The following SH3GLB2 variants were observed in gnomAD, a reference collection of about 807,000 sequenced individuals.
The protein encoded by SH3GLB2 is endophilin-B2.
A neutral mutation model predicts 48.0 loss-of-function variants in SH3GLB2; 24 were observed. The observed-to-expected ratio is 0.50, with a 90% CI of 0.36 to 0.70. SH3GLB2 has a LOEUF of 0.70. Among genes scored for constraint, SH3GLB2 ranks in the 30% least tolerant of loss-of-function variants. SH3GLB2 has a pLI of 0.00. For synonymous variants in SH3GLB2, 227 were observed against 207.6 expected (o/e 1.09, Z -0.80); for missense variants, 425 against 516.0 (o/e 0.82, Z 1.71).
chr9:129,025,503 T>G (rs1279997956), intron 1 of SH3GLB2, among the ~76,000 whole-genome samples: 2 of 150,088 alleles, frequency 1.3e-5, no homozygotes, highest in African/African-American at 2.5e-5. Context: ...AAGGTGGAGG[T>G]TGCAGTGAGC....
At chr9:129,012,473 GA>G in intron 5 of SH3GLB2, 175 bp from the exon 6 acceptor site, 1 of 411,036 alleles carries the variant, frequency 2.4e-6, no homozygotes, top group Non-Finnish European at 4.2e-6. Flanking sequence ...ACCTGGAGAT[GA>G]GGGGCCTAGG....
intron 9 of SH3GLB2, 193 bp from the exon 10 acceptor site, chr9:129,009,539 C>A: frequency 6.5e-7 from 1 of 1,547,608 alleles, no homozygotes; most frequent in South Asian, 1.2e-5. Context: ...CTGCCATCCT[C>A]CCCACCCAGG....
intron 1 of SH3GLB2, 46 bp downstream of exon 1, chr9:129,028,046 G>T: frequency 6.7e-7 from 1 of 1,485,802 alleles, no homozygotes; most frequent in Non-Finnish European, 8.9e-7. Context: ...CTCCCCGCCC[G>T]CCGCACATCC....
intron 5 of SH3GLB2, chr9:129,013,927 T>C (rs1843268935): frequency 2.3e-6 from 1 of 435,120 alleles, no homozygotes; most frequent in Non-Finnish European, 4.6e-6. Context: ...CCAGGCCCTA[T>C]CCAATCTCAT....
At chr9:129,026,353 G>A (rs929116561) in intron 1 of SH3GLB2, among the ~76,000 whole-genome samples, 9 of 152,122 alleles carry the variant, frequency 5.9e-5, no homozygotes, top group South Asian at 2.1e-4. Flanking sequence ...GGTCTCAGGC[G>A]GAGCCCCTCT....
At chr9:129,012,177 G>C (rs1174967206) in intron 6 of SH3GLB2, 59 bp downstream of exon 6, 2 of 1,087,802 alleles carry the variant, frequency 1.8e-6, no homozygotes, top group Non-Finnish European at 2.4e-6. Context: ...CAGAGGCAGT[G>C]GTGTGGGACG....
At position 129,025,541 on chromosome 9, in the gene SH3GLB2, C is replaced by T. The variant is rs188889396; in HGVS notation, c.63+2551G>A. Among the ~76,000 whole-genome samples the T allele has an allele frequency of 1.8e-3, 260 of 144,170 alleles. 4 individuals carry two copies. The East Asian group carries it at 0.023, about 13-fold the overall frequency. The allele number at this position is 144,170 out of a possible 152,430, so 94.6% of individuals were successfully genotyped here. On this transcript the variant is annotated intron_variant, in intron 1 of 10. Coordinates refer to ENST00000372564, the MANE Select transcript of SH3GLB2 (RefSeq NM_020145.4). ...AGATTGTGCCACTGCACTCCAGCCT[C>T]GGCGACAGGATGAGACTCTGTCTCA...
At chr9:129,024,556 CAA>C (rs1433422858) in intron 1 of SH3GLB2, among the ~76,000 whole-genome samples, 12 of 101,396 alleles carry the variant, frequency 1.2e-4, no homozygotes, top group Admixed American at 1.1e-4. Flanking sequence ...GACTCAGTCT[CAA>C]AAAAAAAAAA....
chr9:129,010,319 A>G (rs2131229591), intron 7 of SH3GLB2, 110 bp from the exon 8 acceptor site: 2 of 911,056 alleles, frequency 2.2e-6, no homozygotes, highest in East Asian at 2.6e-5. Context: ...CTGGGAACAC[A>G]GAGAGCCTTC....
In SH3GLB2 at chr9:129,021,113, C is replaced by T; in HGVS notation, c.312G>A (p.Glu104=). Residue 104 remains glutamate (E), a synonymous_variant, in exon 3 of 11, where the codon GAG becomes GAA. Transcript: ENST00000372564. ...CACCATAGGGGGTGGTCGGCCCCAG[C>T]TCACTGGCCGCGTCTGCCATGTACT... The part of the protein sequence containing the change: ...LAQYMADAAS[E]LGPTTPYGKT... 6.2e-7 allele frequency: 1 copy of T among 1,610,772 alleles called. No homozygotes were observed. The highest frequency in any genetic ancestry group is 2.2e-5 in the East Asian group (1 of 44,690).
intron 1 of SH3GLB2, among the ~76,000 whole-genome samples, chr9:129,026,669 T>C (rs1844182686): frequency 6.6e-6 from 1 of 152,062 alleles, no homozygotes; most frequent in Non-Finnish European, 1.5e-5. Context: ...CTGAGAGCCC[T>C]GGCCAGGTCA....
intron 1 of SH3GLB2, among the ~76,000 whole-genome samples, chr9:129,026,632 A>AC (rs1844180804): frequency 6.8e-6 from 1 of 146,832 alleles, no homozygotes; most frequent in African/African-American, 2.5e-5. Flanking sequence ...AAGCGGAGCC[A>AC]CACCTAGGCC....
intron 3 of SH3GLB2, among the ~76,000 whole-genome samples, chr9:129,017,138 C>T (rs1843479176): frequency 6.6e-6 from 1 of 151,796 alleles, no homozygotes; most frequent in African/African-American, 2.4e-5. Context: ...TTAGTAGAGA[C>T]AGGATTTCAC....
chr9:129,023,843 G>A (rs1268567160), intron 1 of SH3GLB2, among the ~76,000 whole-genome samples: 2 of 152,096 alleles, frequency 1.3e-5, no homozygotes, highest in African/African-American at 4.8e-5. Context: ...CACCCTGGCT[G>A]GCTCTGCCTC....
intron 1 of SH3GLB2, 113 bp downstream of exon 1, chr9:129,027,979 A>T: frequency 1.0e-6 from 1 of 987,168 alleles, no homozygotes; most frequent in Non-Finnish European, 1.4e-6. Flanking sequence ...CGCGGCGGGG[A>T]CGAGGGCAGC....
rs892828356 is a variant in SH3GLB2, at chr9:129,009,946, C to T, written c.739-75G>A. ...AAAAAATTCCGTCCCCATCCCCGTC[C>T]TCTACCAGACCTTGCTCCGGCATTC... On this transcript the variant is annotated intron_variant, in intron 8 of 10. Transcript: ENST00000372564. 5 of 1,457,694 alleles carry T rather than the reference C, an allele frequency of 3.4e-6. No homozygotes were observed. The African/African-American group carries it at 7.0e-5, about 20-fold the overall frequency. The allele number at this position is 1,457,694 out of a possible 1,614,324, so 90.3% of individuals were successfully genotyped here.
At chr9:129,008,991 C>T (rs1206677889) in intron 10 of SH3GLB2, 115 bp downstream of exon 10, 7 of 1,523,118 alleles carry the variant, frequency 4.6e-6, no homozygotes, top group African/African-American at 4.1e-5. Context: ...CCTCTTTAAC[C>T]TGCTGGTCCC....
chr9:129,021,533 AC>A (rs1843796899), intron 2 of SH3GLB2, among the ~76,000 whole-genome samples: 1 of 152,048 alleles, frequency 6.6e-6, no homozygotes, highest in East Asian at 1.9e-4. Context: ...TTACAGGCAG[AC>A]ACACAGCACG....
chr9:129,008,465 G>A lies in SH3GLB2; in HGVS notation c.*219C>T, dbSNP rs1318534821. On this transcript the variant is annotated 3_prime_UTR_variant, in exon 11 of 11. Coordinates refer to ENST00000372564, the MANE Select transcript of SH3GLB2 (RefSeq NM_020145.4). ...GGGGTGCTCGGGGATGCAGGCAGGG[G>A]CAGGGGCTCCAGAGCCACAGGTCAG... 5.8e-6 allele frequency: 3 copies of A among 513,832 alleles called. No individual in the cohort carries two copies. Among genetic ancestry groups the A allele is most frequent in the South Asian group, 4.0e-5 (2 of 50,010 alleles). 31.8% of individuals were successfully genotyped at this position (513,832 alleles called of 1,614,324 possible). A position where few individuals can be genotyped will look rare whatever the true frequency, so the allele number is the denominator to read the frequency against.
Sources: gnomAD v4.1 joint callset for allele counts (sites outside exome capture counted in the v4.1 genomes callset) on GRCh38, gnomAD v4.1.1 for gene constraint, MANE v1.5 for transcripts, NCBI Gene and HGNC (gene_info 2026-07-23, HGNC 2026-07-21) for gene names.